Variants in LRRC9 observed in about 807,000 individuals in gnomAD.
LRRC9 encodes leucine rich repeat containing 9.
Under a neutral mutation model 63.2 loss-of-function variants are expected in LRRC9, and 122 were observed. The observed-to-expected ratio is 1.93, with a 90% CI of 1.67 to 2.24. The LOEUF (loss-of-function observed/expected upper bound fraction) is 2.24, where lower values mean the gene tolerates loss of function less well. Among genes scored for constraint, LRRC9 ranks in the 30% most tolerant of loss-of-function variants. The pLI is 0.00. For synonymous variants in LRRC9, 366 were observed against 213.1 expected (o/e 1.72, Z -6.25); for missense variants, 1,071 against 627.7 (o/e 1.71, Z -7.55).
chr14:60,002,815 C>T (rs375790085), intron 20 of LRRC9, among the ~76,000 whole-genome samples: 6 of 152,190 alleles, frequency 3.9e-5, no homozygotes, highest in African/African-American at 1.4e-4. Flanking sequence ...ATTCTGATAA[C>T]ATGTCAGAAT....
At chr14:59,939,554 T>C (rs1337183445) in intron 7 of LRRC9, among the ~76,000 whole-genome samples, 1 of 151,990 alleles carries the variant, frequency 6.6e-6, no homozygotes, top group African/African-American at 2.4e-5. Context: ...ATGAGCCATG[T>C]GGATGGTTCG....
At chr14:60,029,815 T>G (rs1393689713) in intron 28 of LRRC9, among the ~76,000 whole-genome samples, 1 of 152,160 alleles carries the variant, frequency 6.6e-6, no homozygotes, top group African/African-American at 2.4e-5. Flanking sequence ...CATTATTGAT[T>G]ATTTAATGAC....
intron 30 of LRRC9, among the ~76,000 whole-genome samples, chr14:60,055,357 C>T (rs1357085258): frequency 6.6e-6 from 1 of 152,184 alleles, no homozygotes; most frequent in Non-Finnish European, 1.5e-5. Context: ...AGGCCCCAGT[C>T]TTTCAAAAGA....
chr14:59,970,150 T>C (rs919815096), intron 12 of LRRC9, among the ~76,000 whole-genome samples: 6 of 150,104 alleles, frequency 4.0e-5, no homozygotes, highest in Admixed American at 4.0e-4. Flanking sequence ...GTATCTGTTG[T>C]TCCTCTTTAT....
rs1212735665 is a variant in LRRC9 at position 59,927,014 on chromosome 14, T to A, written c.-33-897T>A. The stretch of plus-strand genomic sequence containing the variant: ...TCTTTTCCATTTTTGCCTAGATCTC[T>A]CCCATCCAGCTTTACATTTGTATTC... On this transcript the variant is annotated intron_variant, in intron 1 of 31. Transcript: ENST00000445360. The surrounding 1 kb of genome is among the most constrained non-coding windows in gnomAD (Gnocchi z 4.4). Among the ~76,000 whole-genome samples, 1 of 152,128 alleles carries A rather than the reference T, an allele frequency of 6.6e-6. No homozygotes were observed. Among genetic ancestry groups the A allele is most frequent in the African/African-American group, 2.4e-5 (1 of 41,442 alleles).
chr14:59,998,950 T>C (rs571339995), intron 18 of LRRC9, 151 bp from the exon 19 acceptor site: 2 of 450,872 alleles, frequency 4.4e-6, no homozygotes, highest in Non-Finnish European at 7.8e-6. Context: ...TAATTTCAAC[T>C]ATTATTTAAA....
chr14:59,974,059 A>C (rs186823210), intron 12 of LRRC9, among the ~76,000 whole-genome samples: 26 of 152,212 alleles, frequency 1.7e-4, no homozygotes, highest in Admixed American at 1.3e-4. Flanking sequence ...GCAAGCAAGT[A>C]ATGTGAACAT....
rs568339147 is a variant in LRRC9 at position 60,017,428 on chromosome 14, A to G, written c.3317+638A>G. Among the ~76,000 whole-genome samples the G allele has an allele frequency of 5.3e-5, 8 of 152,068 alleles. No individual in the cohort carries two copies. The highest frequency in any genetic ancestry group is 1.0e-4 in the Non-Finnish European group (7 of 68,000). On this transcript the variant is annotated intron_variant, in intron 24 of 31. Coordinates refer to ENST00000445360, the Ensembl canonical transcript of LRRC9. The surrounding 1 kb of genome is among the most constrained non-coding windows in gnomAD (Gnocchi z 4.0). ...ACAAATACCTATAACTCCTCCAAAT[A>G]TCATCTCAAGATGTTTCTCCTCCAT... is the stretch of plus-strand genomic sequence containing the variant.
chr14:59,955,240 C>A (rs1883611746), intron 8 of LRRC9, among the ~76,000 whole-genome samples: 1 of 152,200 alleles, frequency 6.6e-6, no homozygotes, highest in African/African-American at 2.4e-5. Flanking sequence ...CTTTGTACCT[C>A]TGATAGAATG....
At chr14:60,014,907 T>C (rs1890552543) in intron 23 of LRRC9, among the ~76,000 whole-genome samples, 1 of 151,944 alleles carries the variant, frequency 6.6e-6, no homozygotes, top group East Asian at 1.9e-4. Context: ...TAATATTAAA[T>C]CTTTTTTATG....
intron 2 of LRRC9, 65 bp downstream of exon 2, chr14:59,928,056 C>G: frequency 3.0e-6 from 2 of 655,842 alleles, no homozygotes; most frequent in Non-Finnish European, 2.7e-6. Flanking sequence ...AGTTTTTATG[C>G]TCCTTTCTAG....
chr14:60,015,542 G>C (rs1180346163), intron 23 of LRRC9, among the ~76,000 whole-genome samples: 5 of 152,112 alleles, frequency 3.3e-5, no homozygotes, highest in African/African-American at 1.2e-4. Flanking sequence ...TTAACTGCTA[G>C]GCTAGAGTTG....
intron 10 of LRRC9, among the ~76,000 whole-genome samples, chr14:59,965,172 G>T (rs1354980631): frequency 6.6e-6 from 1 of 152,112 alleles, no homozygotes; most frequent in African/African-American, 2.4e-5. Context: ...TGCTAGACAG[G>T]ACCGGAATTT....
chr14:59,980,835 C>G (rs1331793050), intron 15 of LRRC9, among the ~76,000 whole-genome samples: 2 of 152,178 alleles, frequency 1.3e-5, no homozygotes, highest in East Asian at 3.9e-4. Context: ...CATAACAACT[C>G]AAGAGATGGG....
intron 23 of LRRC9, among the ~76,000 whole-genome samples, chr14:60,012,948 ATTTATTTT>A (rs1184651065): frequency 6.6e-6 from 1 of 150,872 alleles, no homozygotes; most frequent in African/African-American, 2.4e-5. Flanking sequence ...TTATTTATTT[ATTTATTTT>A]TTTAATTTTA....
At chr14:59,947,471 A>G (rs150669) in intron 8 of LRRC9, among the ~76,000 whole-genome samples, 17,740 of 89,498 alleles carry the variant, frequency 0.2, 2,203 homozygotes, top group East Asian at 0.41. Flanking sequence ...TGTTCACTCT[A>G]ATGGTAGTTT....
chr14:59,982,058 G>T (rs1181671665), exon 16 of LRRC9: 1 of 696,898 alleles, frequency 1.4e-6, no homozygotes, highest in South Asian at 1.5e-5. Flanking sequence ...CAGTCATATT[G>T]TGGTGAGTAT....
intron 13 of LRRC9, among the ~76,000 whole-genome samples, chr14:59,975,115 A>ACATATATATG (rs1886052511): frequency 6.3e-5 from 1 of 16,000 alleles, no homozygotes; most frequent in Non-Finnish European, 3.0e-4. Context: ...ATATATATGT[A>ACATATATATG]TATATATATA....
chr14:59,929,762 A>G (rs187533883), intron 3 of LRRC9, among the ~76,000 whole-genome samples: 61 of 152,242 alleles, frequency 4.0e-4, no homozygotes, highest in Admixed American at 3.3e-3. Context: ...GAACAAGATA[A>G]TGTCCTTTGC....
Sources: gnomAD v4.1 joint callset for allele counts (sites outside exome capture counted in the v4.1 genomes callset) on GRCh38, gnomAD v4.1.1 for gene constraint, Gnocchi (gnomAD v3.1) non-coding constraint, MANE v1.5 for transcripts, NCBI Gene and HGNC (gene_info 2026-07-23, HGNC 2026-07-21) for gene names.